The following ZBTB47 variants were observed in gnomAD, a reference collection of about 807,000 sequenced individuals.
The protein encoded by ZBTB47 is zinc finger and BTB domain containing 47, also known as zinc finger and BTB domain-containing protein 47.
A neutral mutation model predicts 56.6 loss-of-function variants in ZBTB47; 24 were observed. The observed-to-expected ratio is 0.42, with a 90% confidence interval of 0.31 to 0.60. ZBTB47 has a LOEUF of 0.60. ZBTB47 is among the 20% of genes least tolerant of loss of function. The pLI, the probability that ZBTB47 is intolerant of heterozygous loss-of-function variation, is 0.14. For missense variants in ZBTB47, 829 were observed against 1,032.6 expected, an observed-to-expected ratio of 0.80 and a Z score of 2.70; for synonymous variants, 414 against 418.9, an observed-to-expected ratio of 0.99 and a Z score of 0.14.
Position 42,663,787 on chromosome 3 carries a change from C to T in ZBTB47, c.1738-10C>T, listed in dbSNP as rs763551623. On this transcript the variant is annotated splice_polypyrimidine_tract_variant and intron_variant, in intron 4 of 5. Transcript: ENST00000232974. The surrounding 1 kb of genome is among the most constrained non-coding windows in gnomAD (Gnocchi z 5.1). ...TGTGCCTGGGCCTCACCCCCAAACC[C>T]CACCCCCAGAACTGCAATGAGCGCT... is the stretch of plus-strand genomic sequence containing the variant. 1.9e-6 allele frequency: 3 copies of T among 1,613,148 alleles called. No individual in the cohort carries two copies. Among genetic ancestry groups the T allele is most frequent in the African/African-American group, 2.7e-5 (2 of 74,876 alleles).
rs779717013 is a variant in ZBTB47, at chr3:42,661,614, G to A, written c.1603G>A (p.Val535Met). 5 of 1,614,030 alleles carry A rather than the reference G, an allele frequency of 3.1e-6. No individual in the cohort carries two copies. Among genetic ancestry groups the A allele is most frequent in the South Asian group, 2.2e-5 (2 of 91,092 alleles). ...GAAGAAGTTCTACACCATGGCCCAC[G>A]TGCGTAAGCACATGGTTGGTAAGTC... The part of the protein sequence containing the change: ...CEKKFYTMAH[V>M]RKHMVAHTKD... Residue 535 changes from valine (V) to methionine (M), a missense_variant, in exon 3 of 6, where the codon GTG becomes ATG. Around this residue, in one of 6 missense-constraint regions of ZBTB47, gnomAD observed 187 missense variants for 253.1 expected, o/e 0.74. Transcript: ENST00000232974.
chr3:42,664,619 A>C lies in ZBTB47; in HGVS notation c.*21A>C, dbSNP rs1710762685. The C allele has an allele frequency of 7.2e-7, 1 of 1,389,104 alleles. No homozygotes were observed. Among genetic ancestry groups the C allele is most frequent in the Non-Finnish European group, 9.2e-7 (1 of 1,083,826 alleles). The allele number at this position is 1,389,104 out of a possible 1,614,324, so 86.0% of individuals were successfully genotyped here. A position where few individuals can be genotyped will look rare whatever the true frequency, so the allele number is the denominator to read the frequency against. On this transcript the variant is annotated 3_prime_UTR_variant, in exon 6 of 6. Transcript: ENST00000232974. ...ACTAGCTGCCGAGCTGCACCCGTGC[A>C]CCCGCTGGGGCCTGGAGTCAGGGCC...
rs529802588 is a variant in ZBTB47, at chr3:42,656,984, A to G, written c.-81-1291A>G. Among the ~76,000 whole-genome samples, 6 of 152,348 alleles carry G rather than the reference A, an allele frequency of 3.9e-5. No homozygotes were observed. The South Asian group carries it at 1.2e-3, about 32-fold the overall frequency. The stretch of plus-strand genomic sequence containing the variant: ...GGTACCTCCCGAATGCAGGAGGCTC[A>G]GACCTGGTTGGGCAGGCCCTGAGGA... On this transcript the variant is annotated intron_variant, in intron 1 of 5. Coordinates refer to ENST00000232974, the MANE Select transcript of ZBTB47 (RefSeq NM_145166.4). This position sits in a 1 kb window ranked among gnomAD's most constrained non-coding sequence, Gnocchi z 5.8.
chr3:42,660,928 TGGG>T (rs1041482951), intron 2 of ZBTB47, among the ~76,000 whole-genome samples: 1 of 152,074 alleles, frequency 6.6e-6, no homozygotes, highest in African/African-American at 2.4e-5. Context: ...GGAGAACAAA[TGGG>T]GGGATATGGT....
In ZBTB47 at chr3:42,664,816, C is replaced by A. The variant is rs1017337215; in HGVS notation, c.*218C>A. 26 of 434,932 alleles carry A rather than the reference C, an allele frequency of 6.0e-5. No individual in the cohort carries two copies. In the South Asian group the frequency reaches 1.9e-3, roughly 32 times the overall value. 26.9% of individuals were successfully genotyped at this position (434,932 alleles called of 1,614,324 possible). A position where few individuals can be genotyped will look rare whatever the true frequency, so the allele number is the denominator to read the frequency against. ...GGGCATCTCACTCCCAAGTGCCCCC[C>A]CTTTCTGTGACTCCTTGAAGCCTTT... On this transcript the variant is annotated 3_prime_UTR_variant, in exon 6 of 6. Coordinates refer to ENST00000232974, the MANE Select transcript of ZBTB47 (RefSeq NM_145166.4).
chr3:42,660,199 G>A (rs1000822056), intron 2 of ZBTB47, among the ~76,000 whole-genome samples: 1 of 152,224 alleles, frequency 6.6e-6, no homozygotes. Flanking sequence ...TGAGTCAGAC[G>A]GGGTTTTAAC....
At position 42,664,262 on chromosome 3, in the gene ZBTB47, C is replaced by T; in HGVS notation, c.1908C>T (p.Ile636=). 1.2e-6 allele frequency: 2 copies of T among 1,613,764 alleles called. No individual in the cohort carries two copies. The highest frequency in any genetic ancestry group is 8.5e-7 in the Non-Finnish European group (1 of 1,179,830). The change falls in exon 6 of 6, where the codon ATC becomes ATT. Residue 636 remains isoleucine (I), a synonymous_variant. Transcript: ENST00000232974. ...HTGEKPYICE[I]CGKSFTSRPN... is the part of the protein sequence containing the mutation. Reference sequence around the variant, plus strand: ...GAGAGAAGCCGTACATCTGCGAGATCTGTGGCAAGAGCTTCACCAGCCGGC... The same window carrying T: ...GAGAGAAGCCGTACATCTGCGAGATTTGTGGCAAGAGCTTCACCAGCCGGC...
intron 2 of ZBTB47, among the ~76,000 whole-genome samples, chr3:42,660,354 G>A (rs537334455): frequency 6.6e-6 from 1 of 152,366 alleles, no homozygotes; most frequent in South Asian, 2.1e-4. Context: ...CTGTATGGAG[G>A]AGGGGGCAGC....
chr3:42,652,953 A>G (rs557513200), upstream of ZBTB47, among the ~76,000 whole-genome samples: 62 of 152,358 alleles, frequency 4.1e-4, no homozygotes, highest in East Asian at 0.011. Context: ...TCAGCGGGCT[A>G]GCTGGTCAGA....
In ZBTB47 at chr3:42,664,582, T is replaced by G. The variant is rs1710762174; in HGVS notation, c.2228T>G (p.Met743Arg). The G allele has an allele frequency of 4.3e-6, 6 of 1,390,502 alleles. No homozygotes were observed. The highest frequency in any genetic ancestry group is 1.6e-5 in the South Asian group (1 of 64,014). 86.1% of individuals were successfully genotyped at this position (1,390,502 alleles called of 1,614,324 possible). A position where few individuals can be genotyped will look rare whatever the true frequency, so the allele number is the denominator to read the frequency against. Residue 743 changes from methionine (M) to arginine (R), a missense_variant, in exon 6 of 6, where the codon ATG becomes AGG. Met to Arg is a moderately conservative substitution (Grantham distance 91, BLOSUM62 -1). Coordinates refer to ENST00000232974, the MANE Select transcript of ZBTB47 (RefSeq NM_145166.4). Reference sequence around the variant, plus strand: ...ACCACTGCCAGCCCCGGCGGGAGGATGAACGCCAACAACTAGCTGCCGAGC... The same window carrying G: ...ACCACTGCCAGCCCCGGCGGGAGGAGGAACGCCAACAACTAGCTGCCGAGC... Reference protein sequence around the residue: ...FPTTASPGGRMNANN With the variant: ...FPTTASPGGRRNANN
intron 5 of ZBTB47, 141 bp from the exon 6 acceptor site, chr3:42,664,096 C>T: frequency 1.4e-6 from 2 of 1,469,916 alleles, no homozygotes; most frequent in Non-Finnish European, 9.1e-7. Flanking sequence ...GTGAGGCTGG[C>T]ACAAAATGCC....
Position 42,664,229 on chromosome 3 carries a change from A to C in ZBTB47, c.1883-8A>C. ...ACTGACGCCCTGCTGCCCACCCCCAACCCCCAGGAGAGAAGCCGTACATCT... is the reference window on the plus strand; with the variant it reads ...ACTGACGCCCTGCTGCCCACCCCCACCCCCCAGGAGAGAAGCCGTACATCT... On this transcript the variant is annotated splice_polypyrimidine_tract_variant and splice_region_variant and intron_variant, in intron 5 of 5. Transcript: ENST00000232974. The C allele has an allele frequency of 6.2e-7, 1 of 1,611,994 alleles. No individual in the cohort carries two copies. Among genetic ancestry groups the C allele is most frequent in the South Asian group, 1.1e-5 (1 of 90,986 alleles).
At position 42,658,523 on chromosome 3, in the gene ZBTB47, G is replaced by A; in HGVS notation, c.168G>A (p.Glu56=). Residue 56 remains glutamate, a synonymous_variant, in exon 2 of 6, where the codon GAG becomes GAA. Coordinates refer to ENST00000232974, the MANE Select transcript of ZBTB47 (RefSeq NM_145166.4). The stretch of plus-strand genomic sequence containing the variant: ...AGAACAAGCAGCTGCAGCGTGTGGA[G>A]CTGTCCCTGGAGGCACTGGCACCTG... The part of the protein sequence containing the change: ...FTQNKQLQRV[E]LSLEALAPGG... 2 of 1,537,188 alleles carry A rather than the reference G, an allele frequency of 1.3e-6. No homozygotes were observed. The highest frequency in any genetic ancestry group is 1.7e-6 in the Non-Finnish European group (2 of 1,146,894).
Position 42,664,613 on chromosome 3 carries a change from C to T in ZBTB47, c.*15C>T. 7.1e-7 allele frequency: 1 copy of T among 1,404,968 alleles called. No individual in the cohort carries two copies. Among genetic ancestry groups the T allele is most frequent in the Non-Finnish European group, 9.1e-7 (1 of 1,093,180 alleles). The allele number at this position is 1,404,968 out of a possible 1,614,324, so 87.0% of individuals were successfully genotyped here. The stretch of plus-strand genomic sequence containing the variant: ...CCAACAACTAGCTGCCGAGCTGCAC[C>T]CGTGCACCCGCTGGGGCCTGGAGTC... On this transcript the variant is annotated 3_prime_UTR_variant, in exon 6 of 6. Coordinates refer to ENST00000232974, the MANE Select transcript of ZBTB47 (RefSeq NM_145166.4).
intron 1 of ZBTB47, among the ~76,000 whole-genome samples, chr3:42,657,459 CTGAG>C (rs1710651676): frequency 6.6e-6 from 1 of 152,192 alleles, no homozygotes; most frequent in Non-Finnish European, 1.5e-5. Flanking sequence ...TGCAGAGCCC[CTGAG>C]TGAGAGAGAG....
rs1490721634 is a variant in ZBTB47, at chr3:42,661,647, C to T, written c.1621+15C>T. The T allele has an allele frequency of 6.2e-7, 1 of 1,613,200 alleles. No homozygotes were observed. The highest frequency in any genetic ancestry group is 1.7e-5 in the Admixed American group (1 of 59,908). ...GCACATGGTTGGTAAGTCTGGGCCA[C>T]TGGGGGATGGAGCCAGAGGATAGAG... On this transcript the variant is annotated intron_variant, in intron 3 of 5. Transcript: ENST00000232974.
chr3:42,667,330 G>A lies in ZBTB47; in HGVS notation c.*2732G>A, dbSNP rs932051659. Among the ~76,000 whole-genome samples the A allele has an allele frequency of 6.6e-5, 10 of 152,346 alleles. No individual in the cohort carries two copies. Among genetic ancestry groups the A allele is most frequent in the African/African-American group, 9.6e-5 (4 of 41,570 alleles). On this transcript the variant is annotated 3_prime_UTR_variant, in exon 6 of 6. Coordinates refer to ENST00000232974, the MANE Select transcript of ZBTB47 (RefSeq NM_145166.4). The stretch of plus-strand genomic sequence containing the variant: ...GCTCTCTGGTCTCAGGCCAGCTGGC[G>A]ATGGGTGGCTAGAGTGATGAACTCA...
intron 1 of ZBTB47, among the ~76,000 whole-genome samples, chr3:42,657,501 G>A (rs970303358): frequency 2.4e-4 from 36 of 152,232 alleles, no homozygotes; most frequent in African/African-American, 8.7e-4. Context: ...TGAGGCTGCA[G>A]GCAGGGGTTG....
rs1177618190 is a variant in ZBTB47, at chr3:42,659,729, C to A, written c.1374C>A (p.Thr458=). The A allele has an allele frequency of 1.9e-6, 3 of 1,613,868 alleles. No individual in the cohort carries two copies. The highest frequency in any genetic ancestry group is 3.3e-5 in the Admixed American group (2 of 60,004). The change falls in exon 2 of 6, where the codon ACC becomes ACA. Residue 458 remains threonine (T), a synonymous_variant. Coordinates refer to ENST00000232974, the MANE Select transcript of ZBTB47 (RefSeq NM_145166.4). ...ACCTGGAGAAACACATGAATGTGAC[C>A]CACAGCCGCATGCAGATCTGCGACC... ...RWYLEKHMNV[T]HSRMQICDQC...
Sources: allele counts gnomAD v4.1 joint callset (sites outside exome capture counted in the v4.1 genomes callset), GRCh38; gene constraint gnomAD v4.1.1; regional missense constraint gnomAD v4.1.1; non-coding constraint Gnocchi (gnomAD v3.1); transcripts MANE v1.5; gene names NCBI Gene and HGNC (gene_info 2026-07-23, HGNC 2026-07-21).